The following NAALADL2 variants were observed in gnomAD, a reference collection of about 807,000 sequenced individuals.
NAALADL2 encodes the protein N-acetylated alpha-linked acidic dipeptidase like 2, also known as inactive N-acetylated-alpha-linked acidic dipeptidase-like protein 2.
In NAALADL2, 76 loss-of-function variants were observed where a neutral mutation model predicts 87.2. The ratio of observed to expected loss-of-function variants is 0.87; its 90% CI spans 0.72 to 1.05. The LOEUF (loss-of-function observed/expected upper bound fraction) is 1.05, where lower values mean the gene tolerates loss of function less well. Among genes scored for constraint, NAALADL2 ranks in the 50% least tolerant of loss-of-function variants. NAALADL2 has a pLI of 0.00. For synonymous variants in NAALADL2, 354 were observed against 331.0 expected (o/e 1.07, Z -0.75); for missense variants, 1,089 against 945.8 (o/e 1.15, Z -1.99).
At chr3:174,521,207 T>C (rs1267299999) in intron 1 of NAALADL2, among the ~76,000 whole-genome samples, 1 of 152,182 alleles carries the variant, frequency 6.6e-6, no homozygotes, top group Non-Finnish European at 1.5e-5. Flanking sequence ...TGCTCTTGAA[T>C]GTTTATTGCA....
chr3:175,173,103 C>T (rs899413889), intron 2 of NAALADL2, among the ~76,000 whole-genome samples: 15 of 151,520 alleles, frequency 9.9e-5, no homozygotes, highest in African/African-American at 2.2e-4. Context: ...TAAGCCTGGG[C>T]GACATGGCTA....
At chr3:175,772,579 A>G (rs1311086529) in intron 13 of NAALADL2, among the ~76,000 whole-genome samples, 1 of 152,140 alleles carries the variant, frequency 6.6e-6, no homozygotes, top group African/African-American at 2.4e-5. Flanking sequence ...CAGACTCACA[A>G]TACTCATCAG....
At chr3:175,749,470 A>C (rs1361413652) in intron 12 of NAALADL2, among the ~76,000 whole-genome samples, 1 of 152,110 alleles carries the variant, frequency 6.6e-6, no homozygotes, top group South Asian at 2.1e-4. Context: ...AGTGCCTGGT[A>C]AGGGCCCAGT....
intron 11 of NAALADL2, among the ~76,000 whole-genome samples, chr3:175,657,414 A>G (rs1731621083): frequency 6.6e-6 from 1 of 152,084 alleles, no homozygotes; most frequent in Non-Finnish European, 1.5e-5. Context: ...ATCATTTTTT[A>G]TTGCTTATTA....
intron 10 of NAALADL2, among the ~76,000 whole-genome samples, chr3:175,598,342 GC>G (rs1722513049): frequency 1.4e-5 from 2 of 146,842 alleles, no homozygotes; most frequent in Admixed American, 1.3e-4. Flanking sequence ...TAAAAAAATA[GC>G]CCTAAGATTT....
At chr3:175,755,081 A>C (rs1747084636) in intron 12 of NAALADL2, 139 bp from the exon 13 acceptor site, 1 of 641,508 alleles carries the variant, frequency 1.6e-6, no homozygotes, top group Non-Finnish European at 2.6e-6. Flanking sequence ...AAAAAAAGAG[A>C]GAGAGAACTG....
chr3:175,337,135 A>G (rs1762064721), intron 5 of NAALADL2, among the ~76,000 whole-genome samples: 1 of 152,040 alleles, frequency 6.6e-6, no homozygotes, highest in Non-Finnish European at 1.5e-5. Context: ...ATGTAATTGG[A>G]ATTACATAAG....
At chr3:175,645,707 A>G (rs541719747) in intron 11 of NAALADL2, among the ~76,000 whole-genome samples, 2 of 152,260 alleles carry the variant, frequency 1.3e-5, no homozygotes, top group Admixed American at 6.5e-5. Context: ...TAATGGTGGT[A>G]TAAGTCAGAC....
rs1406117601 is a variant in NAALADL2 at position 174,698,635 on chromosome 3, C to A, written c.-114-39006C>A. Among the ~76,000 whole-genome samples, 2 of 96,104 alleles carry A rather than the reference C, an allele frequency of 2.1e-5. 1 individual carries two copies. The highest frequency in any genetic ancestry group is 2.5e-4 in the Admixed American group (2 of 8,012). 63.0% of individuals were successfully genotyped at this position (96,104 alleles called of 152,430 possible). A position where few individuals can be genotyped will look rare whatever the true frequency, so the allele number is the denominator to read the frequency against. ...ATCCCAGCACTTTGGGAGGCCGAGG[C>A]GGGCAGATCACGAGGTCAGGAGATC... is the stretch of plus-strand genomic sequence containing the variant. On this transcript the variant is annotated intron_variant, in intron 2 of 3. Transcript: ENST00000434257.
At chr3:175,600,725 G>T (rs2149636446) in intron 10 of NAALADL2, among the ~76,000 whole-genome samples, 1 of 151,464 alleles carries the variant, frequency 6.6e-6, no homozygotes, top group East Asian at 2.0e-4. Context: ...TTTTAGTAGA[G>T]ACGGGTTTTC....
chr3:175,616,487 G>A (rs780804736), intron 10 of NAALADL2, among the ~76,000 whole-genome samples: 2 of 152,084 alleles, frequency 1.3e-5, no homozygotes, highest in Non-Finnish European at 2.9e-5. Context: ...TTTCTAGAGT[G>A]AGGGAATAAG....
intron 3 of NAALADL2, among the ~76,000 whole-genome samples, chr3:174,841,025 AC>A (rs1265637401): frequency 6.8e-6 from 1 of 147,736 alleles, no homozygotes; most frequent in Non-Finnish European, 1.5e-5. Context: ...ATGTTATGCC[AC>A]TTTGACTTTA....
intron 3 of NAALADL2, among the ~76,000 whole-genome samples, chr3:174,842,271 G>A (rs968569633): frequency 4.6e-5 from 7 of 152,006 alleles, no homozygotes; most frequent in African/African-American, 1.7e-4. Context: ...GGCTGGTCTC[G>A]AACTCCTGGC....
intron 1 of NAALADL2, among the ~76,000 whole-genome samples, chr3:175,062,774 C>T (rs1263025455): frequency 6.6e-6 from 1 of 151,966 alleles, no homozygotes; most frequent in South Asian, 2.1e-4. Flanking sequence ...TGTGTAAACC[C>T]AAAGACATGC....
chr3:175,543,189 T>C (rs1712682128), intron 9 of NAALADL2, among the ~76,000 whole-genome samples: 1 of 152,180 alleles, frequency 6.6e-6, no homozygotes, highest in Non-Finnish European at 1.5e-5. Context: ...CTACTGCCTA[T>C]TGATGTAGGT....
At chr3:175,329,641 G>T (rs1374118309) in intron 5 of NAALADL2, among the ~76,000 whole-genome samples, 1 of 152,126 alleles carries the variant, frequency 6.6e-6, no homozygotes, top group African/African-American at 2.4e-5. Context: ...GGAAAATAAA[G>T]TGTCTGAATT....
intron 2 of NAALADL2, among the ~76,000 whole-genome samples, chr3:174,712,048 A>G (rs991530408): frequency 6.6e-6 from 1 of 152,028 alleles, no homozygotes; most frequent in Non-Finnish European, 1.5e-5. Flanking sequence ...CGGCCTCCCA[A>G]AGTGCTGGGA....
chr3:175,698,483 T>TA lies in NAALADL2; in HGVS notation c.1897-38823_1897-38822insA, dbSNP rs1560995887. The stretch of plus-strand genomic sequence containing the variant: ...TGTGTATATATGTGTGTATATATAT[T>TA]TATATATATATATATATATAAAATC... On this transcript the variant is annotated intron_variant, in intron 11 of 13. Transcript: ENST00000454872. Among the ~76,000 whole-genome samples the TA allele has an allele frequency of 5.9e-3, 398 of 67,740 alleles. 86 individuals are homozygous for TA. The highest frequency in any genetic ancestry group is 0.031 in the African/African-American group (348 of 11,058). The allele number at this position is 67,740 out of a possible 152,430, so 44.4% of individuals were successfully genotyped here. A position where few individuals can be genotyped will look rare whatever the true frequency, so the allele number is the denominator to read the frequency against.
intron 3 of NAALADL2, among the ~76,000 whole-genome samples, chr3:174,756,198 T>C (rs1188856740): frequency 6.6e-6 from 1 of 152,256 alleles, no homozygotes; most frequent in Non-Finnish European, 1.5e-5. Context: ...AAAATACAAA[T>C]GTTTCCTTAA....
Sources: allele counts gnomAD v4.1 joint callset (sites outside exome capture counted in the v4.1 genomes callset), GRCh38; gene constraint gnomAD v4.1.1; transcripts MANE v1.5; gene names NCBI Gene and HGNC (gene_info 2026-07-23, HGNC 2026-07-21).